LINC00305: variants seen among roughly 807,000 people sequenced by gnomAD.
LINC00305 encodes the protein long intergenic non-protein coding RNA 305.
At chr18:64,082,406 G>A (rs1022459901) in intron 3 of LINC00305, among the ~76,000 whole-genome samples, 11 of 152,132 alleles carry the variant, frequency 7.2e-5, no homozygotes, top group African/African-American at 2.2e-4. Flanking sequence ...AAAAACCTCA[G>A]TCTCCACATT....
intron 1 of LINC00305, among the ~76,000 whole-genome samples, chr18:64,120,450 T>C (rs1368028472): frequency 6.6e-6 from 1 of 152,056 alleles, no homozygotes; most frequent in East Asian, 1.9e-4. Context: ...GCCCTTAAAC[T>C]AGGGTATTTT....
chr18:64,089,146 A>G (rs1318023996), intron 3 of LINC00305, among the ~76,000 whole-genome samples: 1 of 152,160 alleles, frequency 6.6e-6, no homozygotes, highest in African/African-American at 2.4e-5. Context: ...TTTAATCCCC[A>G]GAGGTAGAGA....
At chr18:64,099,743 G>A (rs1455479780) in intron 1 of LINC00305, among the ~76,000 whole-genome samples, 2 of 152,064 alleles carry the variant, frequency 1.3e-5, no homozygotes, top group Non-Finnish European at 2.9e-5. Context: ...TGGGATCCTC[G>A]TTTCTCATTG....
chr18:64,091,858 A>G (rs1599206590), intron 3 of LINC00305, among the ~76,000 whole-genome samples: 1 of 152,354 alleles, frequency 6.6e-6, no homozygotes, highest in Admixed American at 6.5e-5. Context: ...ACACCTACAC[A>G]GTTTTCCAGA....
chr18:64,082,547 A>G (rs2051189101), intron 3 of LINC00305, among the ~76,000 whole-genome samples: 1 of 152,188 alleles, frequency 6.6e-6, no homozygotes, highest in Non-Finnish European at 1.5e-5. Context: ...GTGGGCAAGG[A>G]GAATCCTTTG....
At chr18:64,084,922 T>C (rs2051197896) in intron 3 of LINC00305, among the ~76,000 whole-genome samples, 1 of 152,248 alleles carries the variant, frequency 6.6e-6, no homozygotes, top group African/African-American at 2.4e-5. Context: ...CGACCATCAA[T>C]GCAGGTATGT....
chr18:64,084,575 A>G (rs772784652), intron 3 of LINC00305, among the ~76,000 whole-genome samples: 8 of 152,232 alleles, frequency 5.3e-5, no homozygotes, highest in Admixed American at 5.2e-4. Flanking sequence ...AAGTCAGTGA[A>G]TAGTATCATT....
intron 3 of LINC00305, among the ~76,000 whole-genome samples, chr18:64,083,605 G>A (rs1014931719): frequency 2.6e-5 from 4 of 152,206 alleles, no homozygotes; most frequent in African/African-American, 9.6e-5. Flanking sequence ...AAAGAACCAA[G>A]TGGTGCTGAC....
At chr18:64,122,043 T>A (rs1293378122) in intron 1 of LINC00305, among the ~76,000 whole-genome samples, 2 of 152,130 alleles carry the variant, frequency 1.3e-5, no homozygotes. Flanking sequence ...CTTCTTTGAT[T>A]TTTTGTTGAG....
chr18:64,104,583 G>A (rs2051281943), intron 1 of LINC00305, among the ~76,000 whole-genome samples: 1 of 152,188 alleles, frequency 6.6e-6, no homozygotes, highest in African/African-American at 2.4e-5. Flanking sequence ...AAGTGTGATT[G>A]GGTTCCCTGA....
chr18:64,117,556 T>C (rs2051343232), intron 1 of LINC00305, among the ~76,000 whole-genome samples: 2 of 152,206 alleles, frequency 1.3e-5, no homozygotes, highest in South Asian at 4.1e-4. Context: ...ATTTCAAGCT[T>C]GGAATTCTCA....
chr18:64,136,741 G>A (rs939530213), intron 1 of LINC00305, among the ~76,000 whole-genome samples: 1 of 152,188 alleles, frequency 6.6e-6, no homozygotes, highest in Non-Finnish European at 1.5e-5. Flanking sequence ...GAAATTACAA[G>A]TTGGGAGCTT....
chr18:64,085,697 G>A (rs926971084), intron 3 of LINC00305, among the ~76,000 whole-genome samples: 13 of 152,150 alleles, frequency 8.5e-5, no homozygotes, highest in African/African-American at 2.7e-4. Flanking sequence ...CCAACCTCAA[G>A]TGATCCACCC....
intron 3 of LINC00305, among the ~76,000 whole-genome samples, chr18:64,094,647 G>A (rs2144897631): frequency 6.6e-6 from 1 of 152,234 alleles, no homozygotes; most frequent in East Asian, 1.9e-4. Flanking sequence ...CAGATCACCT[G>A]AAGTCAGGAG....
At chr18:64,118,581 C>T (rs1055825256) in intron 1 of LINC00305, among the ~76,000 whole-genome samples, 1 of 151,996 alleles carries the variant, frequency 6.6e-6, no homozygotes, top group Non-Finnish European at 1.5e-5. Context: ...ACTGTGTTTG[C>T]GGTGGGATAA....
chr18:64,132,435 A>G (rs932082655), intron 1 of LINC00305, among the ~76,000 whole-genome samples: 4 of 152,230 alleles, frequency 2.6e-5, no homozygotes, highest in Non-Finnish European at 4.4e-5. Context: ...CACATATTCA[A>G]TAATGATCTG....
At chr18:64,114,674 G>A (rs1292335168) in intron 1 of LINC00305, among the ~76,000 whole-genome samples, 3 of 152,158 alleles carry the variant, frequency 2.0e-5, no homozygotes, top group Admixed American at 2.0e-4. Flanking sequence ...TTAGCCTCCA[G>A]AGTAGCTGAG....
chr18:64,101,015 T>C (rs2051266036), intron 1 of LINC00305, among the ~76,000 whole-genome samples: 2 of 152,190 alleles, frequency 1.3e-5, no homozygotes, highest in African/African-American at 4.8e-5. Context: ...TGAAAGACCC[T>C]TGGATCCTCA....
At chr18:64,108,757 C>A (rs2051302467) in intron 1 of LINC00305, among the ~76,000 whole-genome samples, 2 of 152,168 alleles carry the variant, frequency 1.3e-5, no homozygotes, top group Non-Finnish European at 2.9e-5. Context: ...CAGCCCCAAA[C>A]AAGTGTACAG....
Sources: allele counts gnomAD v4.1 joint callset (sites outside exome capture counted in the v4.1 genomes callset), GRCh38; gene constraint gnomAD v4.1.1; transcripts MANE v1.5; gene names NCBI Gene and HGNC (gene_info 2026-07-23, HGNC 2026-07-21).